Variants in RLIM observed in about 807,000 individuals in gnomAD.
RLIM encodes ring finger protein, LIM domain interacting.
Under a neutral mutation model 34.0 loss-of-function variants are expected in RLIM, and 2 were observed. That is an observed-to-expected ratio of 0.06 (90% CI 0.02 to 0.19). The LOEUF (loss-of-function observed/expected upper bound fraction) is 0.19, where lower values mean the gene tolerates loss of function less well. RLIM is among the 10% of genes least tolerant of loss of function. The probability of loss-of-function intolerance (pLI) is 1.00; values close to 1 mark genes in which losing one functional copy is unlikely to be tolerated. For synonymous variants in RLIM, 169 were observed against 164.0 expected, an observed-to-expected ratio of 1.03 and a Z score of -0.23; for missense variants, 286 against 479.7, an observed-to-expected ratio of 0.60 and a Z score of 3.77.
chrX:74,592,754 C>T lies in RLIM; in HGVS notation c.561G>A (p.Arg187=), dbSNP rs762149497. The part of the protein sequence containing the change: ...ENPRSESTSA[R]PSRSERNSTE... Reference sequence around the variant, plus strand: ...TTGAATTTCGTTCTGATCTAGATGGCCTTGCAGATGTTGATTCAGATCGTG... The same window carrying T: ...TTGAATTTCGTTCTGATCTAGATGGTCTTGCAGATGTTGATTCAGATCGTG... The change falls in exon 4 of 4, where the codon AGG becomes AGA. Residue 187 remains arginine (R), a synonymous_variant. Coordinates refer to ENST00000332687, the MANE Select transcript of RLIM (RefSeq NM_016120.4). 8.3e-7 allele frequency: 1 copy of T among 1,210,013 alleles called. No individual in the cohort carries two copies. The highest frequency in any genetic ancestry group is 2.2e-5 in the Admixed American group (1 of 45,732).
chrX:74,609,038 CA>C (rs1377001488), intron 1 of RLIM, among the ~76,000 whole-genome samples: 1 of 111,512 alleles, frequency 9.0e-6, no homozygotes, highest in Non-Finnish European at 1.9e-5. Context: ...GAAAATGACT[CA>C]AAAACCCAAG....
Position 74,585,751 on chromosome X carries a change from A to G in RLIM, c.*5689T>C, listed in dbSNP as rs1332817029. On this transcript the variant is annotated 3_prime_UTR_variant, in exon 4 of 4. Transcript: ENST00000332687. The stretch of plus-strand genomic sequence containing the variant: ...GAGTCTGCTGGATAGGTATCGGAGA[A>G]GGGTGTTATGTTCAGGTTTAAATTG... 2 of 111,921 alleles carry G rather than the reference A, an allele frequency of 1.8e-5. No homozygotes were observed. Among genetic ancestry groups the G allele is most frequent in the Non-Finnish European group, 3.8e-5 (2 of 53,243 alleles). The allele number at this position is 111,921 out of a possible 1,213,427, so 9.2% of individuals were successfully genotyped here. A position where few individuals can be genotyped will look rare whatever the true frequency, so the allele number is the denominator to read the frequency against.
At position 74,583,910 on chromosome X, in the gene RLIM, G is replaced by C. The variant is rs1351746675; in HGVS notation, c.*7530C>G. ...AAAATAGAAAAATTAGCTGGGCGTG[G>C]TGGCGGGCGCCTGTAATCCCAGCTA... is the stretch of plus-strand genomic sequence containing the variant. On this transcript the variant is annotated 3_prime_UTR_variant, in exon 4 of 4. Coordinates refer to ENST00000332687, the MANE Select transcript of RLIM (RefSeq NM_016120.4). Among the ~76,000 whole-genome samples the C allele has an allele frequency of 2.7e-5, 3 of 110,883 alleles. No individual in the cohort carries two copies. Among genetic ancestry groups the C allele is most frequent in the Non-Finnish European group, 5.7e-5 (3 of 52,984 alleles).
Position 74,602,501 on chromosome X carries a change from T to C in RLIM, c.-23-6501A>G, listed in dbSNP as rs189200457. On this transcript the variant is annotated intron_variant, in intron 1 of 3. Coordinates refer to ENST00000332687, the MANE Select transcript of RLIM (RefSeq NM_016120.4). Reference sequence around the variant, plus strand: ...AATCCCAGCACTTTGGGATGCCGAGTTGGGCGGATCATTTGAGGTCAGAAG... The same window carrying C: ...AATCCCAGCACTTTGGGATGCCGAGCTGGGCGGATCATTTGAGGTCAGAAG... Among the ~76,000 whole-genome samples, 111 of 110,761 alleles carry C rather than the reference T, an allele frequency of 1.0e-3. 1 individual carries two copies. Among genetic ancestry groups the C allele is most frequent in the African/African-American group, 3.5e-3 (107 of 30,478 alleles).
chrX:74,608,181 C>T (rs952459312), intron 1 of RLIM, among the ~76,000 whole-genome samples: 3 of 111,710 alleles, frequency 2.7e-5, no homozygotes, highest in Non-Finnish European at 3.8e-5. Flanking sequence ...CCAGAGAAGT[C>T]TCCATCAATA....
chrX:74,588,515 T>C lies in RLIM; in HGVS notation c.*2925A>G, dbSNP rs1019935913. 1 of 112,059 alleles carries C rather than the reference T, an allele frequency of 8.9e-6. No individual in the cohort carries two copies. The highest frequency in any genetic ancestry group is 3.2e-5 in the African/African-American group (1 of 30,825). 9.2% of individuals were successfully genotyped at this position (112,059 alleles called of 1,213,427 possible). A position where few individuals can be genotyped will look rare whatever the true frequency, so the allele number is the denominator to read the frequency against. On this transcript the variant is annotated 3_prime_UTR_variant, in exon 4 of 4. Transcript: ENST00000332687. ...AAACAAAACAAAAAAACCTCAACTT[T>C]GTCAGCTGCTCAGAGTTAAAACAAT...
At position 74,592,574 on chromosome X, in the gene RLIM, T is replaced by A. The variant is rs1298470304; in HGVS notation, c.741A>T (p.Ser247=). 8.3e-7 allele frequency: 1 copy of A among 1,203,097 alleles called. No individual in the cohort carries two copies. The highest frequency in any genetic ancestry group is 1.8e-5 in the African/African-American group (1 of 57,107). The change falls in exon 4 of 4, where the codon TCA becomes TCT. Residue 247 remains serine, a synonymous_variant. Coordinates refer to ENST00000332687, the MANE Select transcript of RLIM (RefSeq NM_016120.4). ...CCAAAGGATGTTCAAAAGTCTGAGA[T>A]GAGATACTATGATGAGATCTTCGTG... ...EIPRRSHHSI[S]SQTFEHPLVN...
chrX:74,598,980 T>C (rs1319354269), intron 1 of RLIM, among the ~76,000 whole-genome samples: 1 of 111,171 alleles, frequency 9.0e-6, no homozygotes, highest in African/African-American at 3.3e-5. Flanking sequence ...TTAAGCAAAA[T>C]GTTACCCTCA....
chrX:74,606,598 T>C (rs762901759), intron 1 of RLIM, among the ~76,000 whole-genome samples: 12 of 112,099 alleles, frequency 1.1e-4, no homozygotes, highest in Admixed American at 4.8e-4. Flanking sequence ...TTAATTGTTA[T>C]AATGTTAAGG....
Position 74,591,308 on chromosome X carries a change from C to T in RLIM, c.*132G>A. Reference sequence around the variant, plus strand: ...AAAACTGGAGAAAGGACAATGATTCCTTCAGAAAGCAATGACTCAATTCAG... The same window carrying T: ...AAAACTGGAGAAAGGACAATGATTCTTTCAGAAAGCAATGACTCAATTCAG... On this transcript the variant is annotated 3_prime_UTR_variant, in exon 4 of 4. Transcript: ENST00000332687. 1.9e-6 allele frequency: 1 copy of T among 514,315 alleles called. No homozygotes were observed. The highest frequency in any genetic ancestry group is 3.2e-6 in the Non-Finnish European group (1 of 314,729). The allele number at this position is 514,315 out of a possible 1,213,427, so 42.4% of individuals were successfully genotyped here. A position where few individuals can be genotyped will look rare whatever the true frequency, so the allele number is the denominator to read the frequency against.
At chrX:74,600,083 TTAAGA>T (rs777505594) in intron 1 of RLIM, among the ~76,000 whole-genome samples, 58 of 110,927 alleles carry the variant, frequency 5.2e-4, no homozygotes, top group Non-Finnish European at 9.6e-4. Context: ...TCTTGTTTAA[TTAAGA>T]TGAGTATGTC....
At chrX:74,599,653 A>G (rs2079653209) in intron 1 of RLIM, among the ~76,000 whole-genome samples, 1 of 111,234 alleles carries the variant, frequency 9.0e-6, no homozygotes, top group Non-Finnish European at 1.9e-5. Context: ...GCTGTCTATG[A>G]GGAATTGGGC....
intron 1 of RLIM, among the ~76,000 whole-genome samples, chrX:74,604,984 C>T (rs907429666): frequency 9.0e-6 from 1 of 111,005 alleles, no homozygotes; most frequent in African/African-American, 3.3e-5. Context: ...ATTTCAAAGC[C>T]TCCATCCTTT....
At chrX:74,605,259 C>T (rs1170485078) in intron 1 of RLIM, among the ~76,000 whole-genome samples, 1 of 112,198 alleles carries the variant, frequency 8.9e-6, no homozygotes, top group African/African-American at 3.2e-5. Flanking sequence ...ATCTAAGCGG[C>T]ATAAAAGAAA....
chrX:74,595,930 T>C lies in RLIM; in HGVS notation c.48A>G (p.Ala16=). The stretch of plus-strand genomic sequence containing the variant: ...GGTCCATCTGACTTCTGCGCTGTGC[T>C]GCAGACTGATCACCACTTCCTTTGT... ...SNDKGSGDQS[A]AQRRSQMDRL... Residue 16 remains alanine, a synonymous_variant, in exon 2 of 4, where the codon GCA becomes GCG. Coordinates refer to ENST00000332687, the MANE Select transcript of RLIM (RefSeq NM_016120.4). 11 of 1,199,644 alleles carry C rather than the reference T, an allele frequency of 9.2e-6. No homozygotes were observed. The highest frequency in any genetic ancestry group is 1.0e-5 in the Non-Finnish European group (9 of 889,294).
At chrX:74,613,638 CT>C (rs11416723) in intron 1 of RLIM, among the ~76,000 whole-genome samples, 2,139 of 87,498 alleles carry the variant, frequency 0.024, 36 homozygotes, top group South Asian at 0.14. Context: ...CCCCCCTAGG[CT>C]TTTTTTTTTT....
rs896510336 is a variant in RLIM at position 74,588,419 on chromosome X, C to T, written c.*3021G>A. On this transcript the variant is annotated 3_prime_UTR_variant, in exon 4 of 4. Transcript: ENST00000332687. ...CCAGGAGGCAGAGGTTGCAGTGAGC[C>T]GAGATCGCTCCATTGCACTTCATCC... 1.8e-5 allele frequency: 2 copies of T among 111,229 alleles called. No individual in the cohort carries two copies. The highest frequency in any genetic ancestry group is 3.8e-5 in the Non-Finnish European group (2 of 53,143). 9.2% of individuals were successfully genotyped at this position (111,229 alleles called of 1,213,427 possible).
chrX:74,593,668 T>A lies in RLIM; in HGVS notation c.254-607A>T, dbSNP rs774339849. On this transcript the variant is annotated intron_variant, in intron 3 of 3. Transcript: ENST00000332687. ...TCAAATAAGTAGTCTGAACCTTGCA[T>A]AGCACATATAATGGCATGTTCAAGA... Among the ~76,000 whole-genome samples the A allele has an allele frequency of 2.7e-5, 3 of 112,821 alleles. No homozygotes were observed. The Admixed American group carries it at 2.8e-4, about 11-fold the overall frequency.
intron 1 of RLIM, among the ~76,000 whole-genome samples, chrX:74,604,567 T>C (rs1440297623): frequency 3.6e-5 from 4 of 111,859 alleles, no homozygotes; most frequent in Admixed American, 9.5e-5. Context: ...TTCAATACTC[T>C]ACAATGTTCA....
Sources: allele counts gnomAD v4.1 joint callset (sites outside exome capture counted in the v4.1 genomes callset), GRCh38; gene constraint gnomAD v4.1.1; transcripts MANE v1.5; gene names NCBI Gene and HGNC (gene_info 2026-07-23, HGNC 2026-07-21).